SEMA3A: variants seen among roughly 807,000 people sequenced by gnomAD.
The protein encoded by SEMA3A is semaphorin 3A, also known as semaphorin-3A.
SEMA3A carries 29 observed loss-of-function variants against 97.9 expected under a neutral mutation model. The observed-to-expected ratio is 0.30, with a 90% CI of 0.22 to 0.40. The LOEUF is 0.40. Ranked by LOEUF, SEMA3A falls within the 10% of genes least tolerant of loss-of-function variation. The pLI is 1.00. For synonymous variants in SEMA3A, 321 were observed against 323.7 expected, an observed-to-expected ratio of 0.99 and a Z score of 0.09; for missense variants, 763 against 951.3, an observed-to-expected ratio of 0.80 and a Z score of 2.60.
chr7:84,383,163 A>G (rs1803312186), intron 1 of SEMA3A, among the ~76,000 whole-genome samples: 1 of 152,184 alleles, frequency 6.6e-6, no homozygotes, highest in South Asian at 2.1e-4. Flanking sequence ...TAATTTTAAT[A>G]ATGAACTGGA....
intron 6 of SEMA3A, among the ~76,000 whole-genome samples, chr7:84,024,338 T>G (rs532903090): frequency 6.6e-6 from 1 of 152,012 alleles, no homozygotes; most frequent in Non-Finnish European, 1.5e-5. Flanking sequence ...GCCAGGAGGT[T>G]GAGACCAGCC....
At chr7:84,379,336 T>C (rs955059998) in intron 1 of SEMA3A, among the ~76,000 whole-genome samples, 2 of 152,192 alleles carry the variant, frequency 1.3e-5, no homozygotes, top group Admixed American at 6.5e-5. Flanking sequence ...AATTTATAGC[T>C]CTATGGTTAA....
intron 1 of SEMA3A, among the ~76,000 whole-genome samples, chr7:84,450,631 GT>G (rs906940679): frequency 6.6e-6 from 1 of 152,146 alleles, no homozygotes; most frequent in African/African-American, 2.4e-5. Flanking sequence ...CTGCCTATTT[GT>G]AAGTAGTAAA....
chr7:84,052,400 G>T (rs1262953962), intron 5 of SEMA3A, among the ~76,000 whole-genome samples: 1 of 152,142 alleles, frequency 6.6e-6, no homozygotes. Context: ...CCTGTTATTG[G>T]TCTATTCAGA....
At chr7:84,031,215 T>C (rs147815134) in intron 6 of SEMA3A, among the ~76,000 whole-genome samples, 2,895 of 151,886 alleles carry the variant, frequency 0.019, 80 homozygotes, top group African/African-American at 0.067. Flanking sequence ...ATAGTCTCGA[T>C]CTCCTGACCT....
At chr7:84,144,882 T>G (rs1796418005) in intron 1 of SEMA3A, among the ~76,000 whole-genome samples, 1 of 152,314 alleles carries the variant, frequency 6.6e-6, no homozygotes, top group Admixed American at 6.5e-5. Flanking sequence ...AAAACCTGGC[T>G]AGAGATTTTC....
intron 1 of SEMA3A, among the ~76,000 whole-genome samples, chr7:84,389,488 T>C (rs936685474): frequency 1.3e-5 from 2 of 152,206 alleles, no homozygotes; most frequent in South Asian, 4.1e-4. Flanking sequence ...CTCAACAGTA[T>C]ACACCTGGTT....
chr7:84,098,663 G>GC (rs1176699960), intron 4 of SEMA3A, among the ~76,000 whole-genome samples: 7 of 152,078 alleles, frequency 4.6e-5, no homozygotes, highest in Non-Finnish European at 7.4e-5. Flanking sequence ...TCTTGATAAT[G>GC]CAAATTGTAA....
At chr7:84,084,141 A>G (rs907226309) in intron 4 of SEMA3A, among the ~76,000 whole-genome samples, 1 of 152,024 alleles carries the variant, frequency 6.6e-6, no homozygotes, top group African/African-American at 2.4e-5. Context: ...ATGCCTTTTG[A>G]TTTTTGAGTT....
At chr7:84,063,873 A>T (rs1323766411) in intron 4 of SEMA3A, among the ~76,000 whole-genome samples, 2 of 150,226 alleles carry the variant, frequency 1.3e-5, no homozygotes. Flanking sequence ...GAACTTCCCC[A>T]ATCTAGCAAG....
intron 3 of SEMA3A, among the ~76,000 whole-genome samples, chr7:84,287,416 C>T (rs1474295578): frequency 6.6e-6 from 1 of 152,046 alleles, no homozygotes; most frequent in Non-Finnish European, 1.5e-5. Context: ...TAAAGTATTT[C>T]TGTTTTTCAG....
At chr7:84,023,233 T>C (rs563951140) in intron 6 of SEMA3A, among the ~76,000 whole-genome samples, 54 of 152,336 alleles carry the variant, frequency 3.5e-4, no homozygotes, top group African/African-American at 1.2e-3. Context: ...CAGCTTGAGC[T>C]TATTTAAATA....
At chr7:84,025,744 C>T (rs1486241888) in intron 6 of SEMA3A, among the ~76,000 whole-genome samples, 1 of 152,164 alleles carries the variant, frequency 6.6e-6, no homozygotes, top group East Asian at 1.9e-4. Flanking sequence ...CTGTTTATTG[C>T]ACCCTTTCCT....
At chr7:84,173,966 C>T (rs1797481032) in intron 1 of SEMA3A, among the ~76,000 whole-genome samples, 1 of 152,108 alleles carries the variant, frequency 6.6e-6, no homozygotes, top group Non-Finnish European at 1.5e-5. Context: ...TGAGGTGGAG[C>T]TGAGCCGGTG....
intron 5 of SEMA3A, among the ~76,000 whole-genome samples, chr7:84,050,518 T>TGTCTG (rs1362801316): frequency 2.6e-5 from 4 of 152,260 alleles, no homozygotes; most frequent in Admixed American, 6.5e-5. Context: ...TTTTGAGAAG[T>TGTCTG]GTCTGTTCAT....
At chr7:84,351,708 C>G (rs2116027144) in intron 2 of SEMA3A, among the ~76,000 whole-genome samples, 1 of 151,920 alleles carries the variant, frequency 6.6e-6, no homozygotes, top group Non-Finnish European at 1.5e-5. Context: ...ATCTGAAAAG[C>G]AGATAATAAA....
chr7:84,280,313 T>C (rs1045710218), intron 3 of SEMA3A, among the ~76,000 whole-genome samples: 1 of 152,194 alleles, frequency 6.6e-6, no homozygotes, highest in African/African-American at 2.4e-5. Flanking sequence ...CAAATCACAG[T>C]GTCTCCTAAG....
intron 1 of SEMA3A, among the ~76,000 whole-genome samples, chr7:84,463,046 C>T (rs1175277833): frequency 6.6e-6 from 1 of 152,038 alleles, no homozygotes; most frequent in African/African-American, 2.4e-5. Context: ...AGTCTCTACA[C>T]ATTTTCACTT....
chr7:84,178,445 C>T (rs1797641962), intron 1 of SEMA3A, among the ~76,000 whole-genome samples: 1 of 152,018 alleles, frequency 6.6e-6, no homozygotes, highest in Non-Finnish European at 1.5e-5. Context: ...ATCTACACAA[C>T]AATCCAAAAG....
Sources: gnomAD v4.1 joint callset for allele counts (sites outside exome capture counted in the v4.1 genomes callset) on GRCh38, gnomAD v4.1.1 for gene constraint, MANE v1.5 for transcripts, NCBI Gene and HGNC (gene_info 2026-07-23, HGNC 2026-07-21) for gene names.